BRD7: variants seen among roughly 807,000 people sequenced by gnomAD.
The protein encoded by BRD7 is bromodomain containing 7.
Under a neutral mutation model 82.1 loss-of-function variants are expected in BRD7, and 15 were observed. The observed-to-expected ratio is 0.18, with a 90% CI of 0.12 to 0.28. The LOEUF is 0.28. BRD7 is among the 10% of genes least tolerant of loss of function. The pLI, the probability that BRD7 is intolerant of heterozygous loss-of-function variation, is 1.00. For synonymous variants in BRD7, 232 were observed against 266.9 expected (o/e 0.87, Z 1.27); for missense variants, 638 against 779.9 (o/e 0.82, Z 2.17).
Position 50,331,079 on chromosome 16 carries a change from C to T in BRD7, c.1012-2335G>A, listed in dbSNP as rs144757401. On this transcript the variant is annotated intron_variant, in intron 8 of 16. Coordinates refer to ENST00000394688, the MANE Select transcript of BRD7 (RefSeq NM_013263.5). ...TTCAAGAATGCAATCCTATTCACAA[C>T]AGCCACAGAAAAAATAAAATACCTA... Among the ~76,000 whole-genome samples, 976 of 152,170 alleles carry T rather than the reference C, an allele frequency of 6.4e-3. 14 individuals are homozygous for T. The highest frequency in any genetic ancestry group is 0.022 in the African/African-American group (915 of 41,520).
At chr16:50,323,824 A>C (rs1172010270) in intron 11 of BRD7, 126 bp from the exon 12 acceptor site, 1 of 644,376 alleles carries the variant, frequency 1.6e-6, no homozygotes, top group Non-Finnish European at 2.8e-6. Flanking sequence ...CTGCCTAGAC[A>C]CAACATGGTA....
intron 11 of BRD7, 46 bp from the exon 12 acceptor site, chr16:50,323,744 G>T: frequency 7.1e-7 from 1 of 1,418,174 alleles, no homozygotes; most frequent in Non-Finnish European, 1.0e-6. Context: ...ACCTCCACTG[G>T]CTTTATCCTC....
chr16:50,333,044 T>C (rs777470336), intron 8 of BRD7, among the ~76,000 whole-genome samples: 39 of 152,260 alleles, frequency 2.6e-4, no homozygotes, highest in Non-Finnish European at 4.6e-4. Context: ...ATGTTCACTA[T>C]TTGGGTGATG....
chr16:50,334,603 C>T, intron 7 of BRD7, 108 bp downstream of exon 7: 2 of 1,322,536 alleles, frequency 1.5e-6, no homozygotes, highest in Non-Finnish European at 2.1e-6. Context: ...ACCACCACCA[C>T]CGACACACTA....
chr16:50,353,594 T>A (rs934568302), intron 4 of BRD7, among the ~76,000 whole-genome samples: 1 of 151,692 alleles, frequency 6.6e-6, no homozygotes, highest in Admixed American at 6.6e-5. Flanking sequence ...ATTTTATTTA[T>A]TTATTTATTT....
At position 50,317,366 on chromosome 16, in the gene BRD7, T is replaced by G. The variant is rs2036850602; in HGVS notation, c.*1845A>C. On this transcript the variant is annotated 3_prime_UTR_variant, in exon 17 of 17. Coordinates refer to ENST00000394688, the MANE Select transcript of BRD7 (RefSeq NM_013263.5). ...TATACTGAAATCTGTGCTCTCAAGA[T>G]CTAGCAGTGACCAGGGCTGCCCGGC... 1 of 150,348 alleles carries G rather than the reference T, an allele frequency of 6.7e-6. No homozygotes were observed. The highest frequency in any genetic ancestry group is 1.5e-5 in the Non-Finnish European group (1 of 68,032). The allele number at this position is 150,348 out of a possible 1,614,324, so 9.3% of individuals were successfully genotyped here.
intron 2 of BRD7, among the ~76,000 whole-genome samples, chr16:50,364,115 G>A (rs1169017639): frequency 6.6e-6 from 1 of 151,002 alleles, no homozygotes; most frequent in African/African-American, 2.4e-5. Flanking sequence ...TATCAGCTAA[G>A]GTGACTGTGT....
At chr16:50,319,760 A>T in intron 16 of BRD7, 127 bp downstream of exon 16, 1 of 1,208,968 alleles carries the variant, frequency 8.3e-7, no homozygotes, top group Non-Finnish European at 1.2e-6. Context: ...TTGAGCATCT[A>T]CAGATTTTGC....
intron 5 of BRD7, among the ~76,000 whole-genome samples, chr16:50,343,800 C>A (rs562320604): frequency 1.3e-5 from 2 of 152,166 alleles, no homozygotes; most frequent in African/African-American, 4.8e-5. Flanking sequence ...ACAAAGCCAC[C>A]GGGAAGCTCG....
chr16:50,323,773 T>G (rs1259897855), intron 11 of BRD7, 75 bp from the exon 12 acceptor site: 3 of 1,045,412 alleles, frequency 2.9e-6, no homozygotes, highest in Non-Finnish European at 4.5e-6. Context: ...GCCAACTGTT[T>G]CCACTAGATG....
intron 1 of BRD7, 35 bp from the exon 2 acceptor site, chr16:50,368,333 T>G: frequency 1.9e-6 from 3 of 1,598,318 alleles, no homozygotes; most frequent in Non-Finnish European, 2.6e-6. Context: ...GGAAAGCGCG[T>G]CGATTAAAAT....
At position 50,318,960 on chromosome 16, in the gene BRD7, A is replaced by C; in HGVS notation, c.*251T>G. 2.4e-6 allele frequency: 1 copy of C among 410,002 alleles called. No homozygotes were observed. The highest frequency in any genetic ancestry group is 4.4e-6 in the Non-Finnish European group (1 of 227,608). The allele number at this position is 410,002 out of a possible 1,614,324, so 25.4% of individuals were successfully genotyped here. ...ATCCTGTCTGTGGGACATAAGGAAGAAGCATTGGAAGGCACTATTTTGAAA... is the reference window on the plus strand; with the variant it reads ...ATCCTGTCTGTGGGACATAAGGAAGCAGCATTGGAAGGCACTATTTTGAAA... On this transcript the variant is annotated 3_prime_UTR_variant, in exon 17 of 17. Coordinates refer to ENST00000394688, the MANE Select transcript of BRD7 (RefSeq NM_013263.5).
At chr16:50,334,178 G>C (rs926572514) in intron 7 of BRD7, among the ~76,000 whole-genome samples, 4 of 152,200 alleles carry the variant, frequency 2.6e-5, no homozygotes, top group Admixed American at 2.0e-4. Flanking sequence ...GGCGGTCAGG[G>C]CTGGCTCCCA....
chr16:50,347,405 G>A (rs2038330484), intron 5 of BRD7, among the ~76,000 whole-genome samples: 1 of 152,104 alleles, frequency 6.6e-6, no homozygotes, highest in Admixed American at 6.5e-5. Flanking sequence ...GGAAGTTCTG[G>A]CCAGGGCAAT....
chr16:50,350,383 ATTTC>A (rs2038468312), intron 4 of BRD7, among the ~76,000 whole-genome samples: 2 of 152,154 alleles, frequency 1.3e-5, no homozygotes, highest in Admixed American at 1.3e-4. Context: ...CAGGATGGAG[ATTTC>A]TTTCTTTTAA....
At chr16:50,330,906 AAT>A (rs60550754) in intron 8 of BRD7, among the ~76,000 whole-genome samples, 2 of 151,822 alleles carry the variant, frequency 1.3e-5, no homozygotes, top group Non-Finnish European at 2.9e-5. Flanking sequence ...TAAAATAGTT[AAT>A]ATGTTATTAA....
intron 5 of BRD7, chr16:50,349,550 T>C: frequency 2.1e-6 from 1 of 469,544 alleles, no homozygotes; most frequent in Non-Finnish European, 4.4e-6. Flanking sequence ...TCCAGCCATG[T>C]GTCCTGTACA....
chr16:50,355,792 T>C (rs550865870), intron 2 of BRD7, among the ~76,000 whole-genome samples: 10 of 152,152 alleles, frequency 6.6e-5, no homozygotes, highest in African/African-American at 1.7e-4. Flanking sequence ...TAAAAAGATA[T>C]AAAATGAATA....
intron 1 of BRD7, 133 bp downstream of exon 1, chr16:50,368,593 A>G: frequency 1.1e-6 from 1 of 943,560 alleles, no homozygotes; most frequent in Non-Finnish European, 1.5e-6. Context: ...CTCCGGCAGG[A>G]CGCGCCCCCT....
Sources: allele counts gnomAD v4.1 joint callset (sites outside exome capture counted in the v4.1 genomes callset), GRCh38; gene constraint gnomAD v4.1.1; transcripts MANE v1.5; gene names NCBI Gene and HGNC (gene_info 2026-07-23, HGNC 2026-07-21).